The following SLC24A2 variants were observed in gnomAD, a reference collection of about 807,000 sequenced individuals.
SLC24A2 encodes sodium/potassium/calcium exchanger 2.
A neutral mutation model predicts 62.0 loss-of-function variants in SLC24A2; 36 were observed. The ratio of observed to expected loss-of-function variants is 0.58; its 90% CI spans 0.44 to 0.77. SLC24A2 has a LOEUF of 0.77. SLC24A2 is among the 30% of genes least tolerant of loss of function. SLC24A2 has a pLI of 0.00. For synonymous variants in SLC24A2, 358 were observed against 294.0 expected, an observed-to-expected ratio of 1.22 and a Z score of -2.23; for missense variants, 846 against 817.9, an observed-to-expected ratio of 1.03 and a Z score of -0.42.
chr9:19,630,045 A>T (rs1276701304), intron 2 of SLC24A2, among the ~76,000 whole-genome samples: 1 of 152,226 alleles, frequency 6.6e-6, no homozygotes, highest in East Asian at 1.9e-4. Flanking sequence ...TAAATATGTT[A>T]TATCATTAAA....
the SLC24A2 span, among the ~76,000 whole-genome samples, chr9:20,263,546 A>G: frequency 3.9e-5 from 6 of 152,160 alleles, no homozygotes; most frequent in African/African-American, 1.2e-4. Flanking sequence ...CACTGCATCC[A>G]TCAGAGAAGG....
the SLC24A2 span, among the ~76,000 whole-genome samples, chr9:20,104,092 G>A: frequency 6.6e-6 from 1 of 152,114 alleles, no homozygotes; most frequent in Non-Finnish European, 1.5e-5. Context: ...TGGAAGAAAG[G>A]GTATCAGTGA....
the SLC24A2 span, among the ~76,000 whole-genome samples, chr9:20,018,198 C>T: frequency 6.6e-6 from 1 of 152,194 alleles, no homozygotes; most frequent in Non-Finnish European, 1.5e-5. Flanking sequence ...CTGCCGGTCT[C>T]GGCCTCCTAA....
chr9:20,218,927 A>T, the SLC24A2 span, among the ~76,000 whole-genome samples: 1 of 152,270 alleles, frequency 6.6e-6, no homozygotes, highest in Non-Finnish European at 1.5e-5. Context: ...TGGGAACCCA[A>T]GCAGAATGAT....
the SLC24A2 span, among the ~76,000 whole-genome samples, chr9:20,280,099 G>A: frequency 6.6e-6 from 1 of 152,230 alleles, no homozygotes; most frequent in African/African-American, 2.4e-5. Context: ...TTCCTAAGAA[G>A]CAGAGTCTGA....
intron 2 of SLC24A2, among the ~76,000 whole-genome samples, chr9:19,650,857 G>A (rs1224663521): frequency 6.6e-6 from 1 of 152,042 alleles, no homozygotes; most frequent in African/African-American, 2.4e-5. Flanking sequence ...GTGTTTGTGT[G>A]TGTATGCCAG....
the SLC24A2 span, among the ~76,000 whole-genome samples, chr9:20,087,914 GGTGA>G: frequency 6.6e-6 from 1 of 152,156 alleles, no homozygotes; most frequent in Non-Finnish European, 1.5e-5. Context: ...CCAGGGAAGC[GGTGA>G]GTGAGTGAGC....
chr9:20,015,316 A>G, the SLC24A2 span, among the ~76,000 whole-genome samples: 1 of 152,232 alleles, frequency 6.6e-6, no homozygotes, highest in African/African-American at 2.4e-5. Flanking sequence ...CTCCAGCTTC[A>G]AAGATGGGTA....
At chr9:19,706,994 T>A (rs866624623) in intron 2 of SLC24A2, among the ~76,000 whole-genome samples, 1 of 151,512 alleles carries the variant, frequency 6.6e-6, no homozygotes, top group African/African-American at 2.4e-5. Flanking sequence ...ATCAACAAAA[T>A]TGATAGACCG....
the SLC24A2 span, among the ~76,000 whole-genome samples, chr9:19,830,001 C>T: frequency 1.3e-5 from 2 of 151,700 alleles, no homozygotes; most frequent in African/African-American, 4.8e-5. Context: ...ATAAATACAA[C>T]CTGAAACAAT....
At chr9:19,789,897 C>A (rs1330241726), upstream of SLC24A2, among the ~76,000 whole-genome samples, 1 of 152,192 alleles carries the variant, frequency 6.6e-6, no homozygotes, top group African/African-American at 2.4e-5. Context: ...TTCTCTCCCC[C>A]ATCCAAGAGG....
chr9:19,941,062 G>C, the SLC24A2 span, among the ~76,000 whole-genome samples: 1 of 152,180 alleles, frequency 6.6e-6, no homozygotes, highest in Non-Finnish European at 1.5e-5. Context: ...TCAAAGGTTG[G>C]GGGAGGAAGA....
chr9:19,876,026 TC>T, the SLC24A2 span, among the ~76,000 whole-genome samples: 2 of 152,192 alleles, frequency 1.3e-5, no homozygotes, highest in African/African-American at 4.8e-5. Flanking sequence ...TCCAAAAATA[TC>T]CTCTATCTAA....
At chr9:19,529,026 T>C (rs751194436) in intron 8 of SLC24A2, among the ~76,000 whole-genome samples, 1 of 152,196 alleles carries the variant, frequency 6.6e-6, no homozygotes, top group Non-Finnish European at 1.5e-5. Flanking sequence ...GCTTGCACTG[T>C]AGTGGTGTTC....
At chr9:19,609,881 A>G (rs1238271529) in intron 4 of SLC24A2, among the ~76,000 whole-genome samples, 1 of 152,126 alleles carries the variant, frequency 6.6e-6, no homozygotes. Context: ...AGATCCTCAC[A>G]TGCACAGTTC....
At chr9:19,777,669 A>G (rs926313858) in intron 2 of SLC24A2, among the ~76,000 whole-genome samples, 1 of 152,148 alleles carries the variant, frequency 6.6e-6, no homozygotes, top group Non-Finnish European at 1.5e-5. Context: ...TGTATGTCCA[A>G]TATGTTCCTA....
the SLC24A2 span, among the ~76,000 whole-genome samples, chr9:19,826,490 C>A: frequency 6.6e-6 from 1 of 152,112 alleles, no homozygotes; most frequent in African/African-American, 2.4e-5. Context: ...AATTTATAAA[C>A]AACAGAAATT....
the SLC24A2 span, among the ~76,000 whole-genome samples, chr9:20,004,854 T>A: frequency 1.3e-5 from 2 of 151,992 alleles, no homozygotes; most frequent in African/African-American, 2.4e-5. Flanking sequence ...TGAACCTGAG[T>A]TGATGTAAAG....
the SLC24A2 span, among the ~76,000 whole-genome samples, chr9:20,074,603 A>G: frequency 4.9e-3 from 176 of 36,280 alleles, 2 homozygotes; most frequent in East Asian, 0.024. Context: ...GGAAGGAAGG[A>G]AAGAAGGGAG....
Sources: gnomAD v4.1 joint callset for allele counts (sites outside exome capture counted in the v4.1 genomes callset) on GRCh38, gnomAD v4.1.1 for gene constraint, MANE v1.5 for transcripts, NCBI Gene and HGNC (gene_info 2026-07-23, HGNC 2026-07-21) for gene names.